Variants in CSMD1 observed in about 807,000 individuals in gnomAD.
CSMD1 encodes CUB and Sushi multiple domains 1.
In CSMD1, 213 loss-of-function variants were observed where a neutral mutation model predicts 417.5. That is an observed-to-expected ratio of 0.51 (90% CI 0.46 to 0.57). The LOEUF is 0.57. Among genes scored for constraint, CSMD1 ranks in the 20% least tolerant of loss-of-function variants. CSMD1 has a pLI of 0.00. For synonymous variants in CSMD1, 2,862 were observed against 1,736.8 expected (o/e 1.65, Z -16.11); for missense variants, 6,923 against 4,529.7 (o/e 1.53, Z -15.17).
intron 5 of CSMD1, among the ~76,000 whole-genome samples, chr8:3,920,303 G>A (rs1030379484): frequency 6.6e-6 from 1 of 151,942 alleles, no homozygotes; most frequent in Non-Finnish European, 1.5e-5. Flanking sequence ...CCAAAGTGCT[G>A]AGATTATAGG....
At chr8:3,235,617 T>A (rs191279344) in intron 26 of CSMD1, among the ~76,000 whole-genome samples, 1 of 152,208 alleles carries the variant, frequency 6.6e-6, no homozygotes, top group African/African-American at 2.4e-5. Context: ...ATTGTCATCA[T>A]AGAGCACAGT....
chr8:4,785,501 C>T (rs748053085), intron 1 of CSMD1, among the ~76,000 whole-genome samples: 2 of 152,144 alleles, frequency 1.3e-5, no homozygotes, highest in African/African-American at 4.8e-5. Context: ...ACTTAGAAAG[C>T]TGATTACCCT....
intron 59 of CSMD1, among the ~76,000 whole-genome samples, chr8:2,964,880 T>C (rs939783906): frequency 3.3e-5 from 5 of 152,196 alleles, no homozygotes; most frequent in Admixed American, 1.3e-4. Context: ...TTTAACCATG[T>C]GTCTTGCAGA....
intron 3 of CSMD1, among the ~76,000 whole-genome samples, chr8:4,351,298 T>C (rs907879175): frequency 6.6e-6 from 1 of 152,242 alleles, no homozygotes; most frequent in Non-Finnish European, 1.5e-5. Flanking sequence ...ACAAGAGATT[T>C]TTCAATGCTA....
intron 5 of CSMD1, among the ~76,000 whole-genome samples, chr8:3,986,335 T>A (rs916124474): frequency 2.6e-5 from 4 of 152,164 alleles, no homozygotes; most frequent in Admixed American, 6.5e-5. Flanking sequence ...AGGGTGTTCA[T>A]TGAAATGTAG....
chr8:3,190,581 C>T (rs1366688361), intron 33 of CSMD1, among the ~76,000 whole-genome samples: 1 of 152,092 alleles, frequency 6.6e-6, no homozygotes, highest in African/African-American at 2.4e-5. Context: ...ATATGGCCAT[C>T]GTGATGTAAT....
intron 3 of CSMD1, among the ~76,000 whole-genome samples, chr8:4,256,625 G>C (rs180906358): frequency 2.0e-5 from 3 of 152,294 alleles, no homozygotes; most frequent in East Asian, 1.9e-4. Context: ...GAATCAGTGA[G>C]ACCCATGAAA....
At chr8:3,515,975 C>T (rs1451231952) in intron 10 of CSMD1, among the ~76,000 whole-genome samples, 5 of 152,136 alleles carry the variant, frequency 3.3e-5, no homozygotes. Context: ...CGTTGCCAGT[C>T]AATGTTCTAA....
intron 7 of CSMD1, among the ~76,000 whole-genome samples, chr8:3,654,900 G>T (rs944634652): frequency 1.8e-4 from 27 of 152,160 alleles, no homozygotes; most frequent in Admixed American, 7.9e-4. Flanking sequence ...CAGGAGCTGG[G>T]CTCCACACAG....
intron 37 of CSMD1, among the ~76,000 whole-genome samples, chr8:3,168,988 G>A (rs192684544): frequency 6.9e-4 from 105 of 152,268 alleles, no homozygotes; most frequent in Middle Eastern, 3.4e-3. Context: ...AAACTCTGCA[G>A]TGATGAACTC....
At chr8:3,953,069 A>C (rs1811697114) in intron 5 of CSMD1, among the ~76,000 whole-genome samples, 1 of 152,156 alleles carries the variant, frequency 6.6e-6, no homozygotes, top group Non-Finnish European at 1.5e-5. Flanking sequence ...ACAGAAAAGA[A>C]ACAGTATTTG....
intron 5 of CSMD1, among the ~76,000 whole-genome samples, chr8:3,973,288 C>T (rs192031672): frequency 1.3e-5 from 2 of 152,110 alleles, no homozygotes; most frequent in Non-Finnish European, 2.9e-5. Flanking sequence ...TAGGGTTCTC[C>T]CACCTGCCGA....
intron 18 of CSMD1, among the ~76,000 whole-genome samples, chr8:3,386,350 A>T: frequency 6.6e-6 from 1 of 151,570 alleles, no homozygotes; most frequent in East Asian, 2.0e-4. Flanking sequence ...ACTCCCACCT[A>T]CTCCTGCCCA....
At chr8:4,611,780 G>A (rs1439504564) in intron 2 of CSMD1, among the ~76,000 whole-genome samples, 2 of 152,084 alleles carry the variant, frequency 1.3e-5, no homozygotes, top group Non-Finnish European at 2.9e-5. Context: ...AAATTACTCA[G>A]TGTTCCTCTC....
chr8:3,656,451 G>C (rs552757297), intron 7 of CSMD1, among the ~76,000 whole-genome samples: 1 of 152,158 alleles, frequency 6.6e-6, no homozygotes, highest in Non-Finnish European at 1.5e-5. Context: ...AGAGTGAAAA[G>C]ATGGTGTTTG....
At chr8:3,733,524 G>A (rs1246446008) in intron 6 of CSMD1, among the ~76,000 whole-genome samples, 1 of 151,904 alleles carries the variant, frequency 6.6e-6, no homozygotes, top group Non-Finnish European at 1.5e-5. Flanking sequence ...AATATTCAAC[G>A]AAAAATTTCA....
At chr8:4,154,807 T>C (rs777829694) in intron 3 of CSMD1, among the ~76,000 whole-genome samples, 3 of 152,006 alleles carry the variant, frequency 2.0e-5, no homozygotes, top group Admixed American at 6.5e-5. Context: ...AGACTGAATG[T>C]TGGAAAGAGA....
chr8:3,865,069 C>T (rs1358088776), intron 5 of CSMD1, among the ~76,000 whole-genome samples: 1 of 152,096 alleles, frequency 6.6e-6, no homozygotes, highest in East Asian at 1.9e-4. Context: ...CGGCATATGC[C>T]AACAGTGTTA....
chr8:3,842,515 G>C (rs998644827), intron 5 of CSMD1, among the ~76,000 whole-genome samples: 2 of 152,052 alleles, frequency 1.3e-5, no homozygotes, highest in African/African-American at 4.8e-5. Context: ...GGAAGAAGTG[G>C]GTTCCAATTG....
Sources: allele counts gnomAD v4.1 joint callset (sites outside exome capture counted in the v4.1 genomes callset), GRCh38; gene constraint gnomAD v4.1.1; transcripts MANE v1.5; gene names NCBI Gene and HGNC (gene_info 2026-07-23, HGNC 2026-07-21).